MTR: variants seen among roughly 807,000 people sequenced by gnomAD.
MTR encodes the protein 5-methyltetrahydrofolate-homocysteine methyltransferase, also known as methionine synthase.
A neutral mutation model predicts 154.8 loss-of-function variants in MTR; 84 were observed. The observed-to-expected ratio is 0.54, with a 90% CI of 0.45 to 0.65. The LOEUF is 0.65. MTR is among the 30% of genes least tolerant of loss of function. MTR has a pLI of 0.00. For missense variants in MTR, 1,275 were observed against 1,570.2 expected (o/e 0.81, Z 3.18); for synonymous variants, 554 against 553.9 (o/e 1.00, Z 0.00).
intron 8 of MTR, among the ~76,000 whole-genome samples, chr1:236,821,688 G>C (rs984560349): frequency 6.6e-6 from 1 of 151,926 alleles, no homozygotes; most frequent in African/African-American, 2.4e-5. Context: ...AATTTTAATC[G>C]TTTTGCAATT....
chr1:236,797,943 G>A (rs1660488089), intron 1 of MTR, among the ~76,000 whole-genome samples: 2 of 129,090 alleles, frequency 1.5e-5, no homozygotes, highest in African/African-American at 2.7e-5. Context: ...GGGTGAGAGA[G>A]TGAGACTTAG....
At chr1:236,807,099 A>G (rs1285476746) in intron 3 of MTR, among the ~76,000 whole-genome samples, 2 of 152,234 alleles carry the variant, frequency 1.3e-5, no homozygotes, top group Admixed American at 6.5e-5. Flanking sequence ...GTATATATAC[A>G]CAGAAGTTGA....
intron 7 of MTR, 82 bp downstream of exon 7, chr1:236,815,745 T>A: frequency 7.5e-7 from 1 of 1,334,476 alleles, no homozygotes; most frequent in Non-Finnish European, 1.1e-6. Context: ...CTTTGCATAG[T>A]AGAACTATTA....
At chr1:236,864,945 A>G (rs1664745748) in intron 22 of MTR, among the ~76,000 whole-genome samples, 1 of 152,242 alleles carries the variant, frequency 6.6e-6, no homozygotes, top group Admixed American at 6.5e-5. Flanking sequence ...GAAGAAAGTG[A>G]CTTGTAGGTA....
rs943338469 is a variant in MTR, at chr1:236,862,231, C to G, written c.2197-5C>G. ...AAGATACCTGATCTATGCTTTTTTT[C>G]TCAGGTTATAAAGTCAGCCCGGGTT... On this transcript the variant is annotated splice_polypyrimidine_tract_variant and splice_region_variant and intron_variant, in intron 20 of 32. Transcript: ENST00000366577. The G allele has an allele frequency of 8.7e-6, 14 of 1,609,744 alleles. No homozygotes were observed. The highest frequency in any genetic ancestry group is 1.2e-5 in the Non-Finnish European group (14 of 1,176,236).
intron 22 of MTR, among the ~76,000 whole-genome samples, chr1:236,871,322 T>C (rs1418403414): frequency 2.6e-5 from 3 of 115,312 alleles, no homozygotes; most frequent in Admixed American, 9.1e-5. Context: ...TCTGAACTTA[T>C]CACCCACAAC....
chr1:236,820,940 A>T (rs553299265), intron 8 of MTR, among the ~76,000 whole-genome samples: 1 of 152,214 alleles, frequency 6.6e-6, no homozygotes, highest in South Asian at 2.1e-4. Context: ...TGCTATCTGT[A>T]TATCTTCTTT....
At chr1:236,894,684 A>G in intron 30 of MTR, 127 bp downstream of exon 30, 1 of 845,622 alleles carries the variant, frequency 1.2e-6, no homozygotes, top group Admixed American at 2.6e-5. Flanking sequence ...CTTGAGATGG[A>G]TGCTGCTGGC....
In MTR at chr1:236,844,453, C is replaced by CGTGTGT. The variant is rs58179715; in HGVS notation, c.1516-5846_1516-5841dup. 2.3e-4 allele frequency among the ~76,000 whole-genome samples: 34 copies of CGTGTGT among 145,460 alleles called. 1 individual carries two copies. Among genetic ancestry groups the CGTGTGT allele is most frequent in the South Asian group, 6.8e-4 (3 of 4,422 alleles). On this transcript the variant is annotated intron_variant, in intron 15 of 32. Transcript: ENST00000366577. ...GGGGAAATACGAGGTTCAGAAAGGG[C>CGTGTGT]GTGTGTGTGTGTGTGTGTGTGTGTG...
At chr1:236,809,074 A>G (rs1661154346) in intron 4 of MTR, among the ~76,000 whole-genome samples, 1 of 152,154 alleles carries the variant, frequency 6.6e-6, no homozygotes, top group Non-Finnish European at 1.5e-5. Context: ...GAAATAATTT[A>G]TGTCTCTTTG....
rs1006905421 is a variant in MTR, at chr1:236,902,438, G to T, written c.*4794G>T. 2 of 152,204 alleles carry T rather than the reference G, an allele frequency of 1.3e-5. No homozygotes were observed. Among genetic ancestry groups the T allele is most frequent in the African/African-American group, 4.8e-5 (2 of 41,428 alleles). The allele number at this position is 152,204 out of a possible 1,614,324, so 9.4% of individuals were successfully genotyped here. On this transcript the variant is annotated 3_prime_UTR_variant, in exon 33 of 33. Transcript: ENST00000366577. ...TAGACTTAACATTCCCTAAGGGCAG[G>T]TTTGGAACCTTACTCATCTTTATAT...
In MTR at chr1:236,852,810, T is replaced by C. The variant is rs1385191487; in HGVS notation, c.1813-138T>C. The C allele has an allele frequency of 2.6e-6, 3 of 1,143,638 alleles. No homozygotes were observed. The African/African-American group carries it at 4.6e-5, about 17-fold the overall frequency. 70.8% of individuals were successfully genotyped at this position (1,143,638 alleles called of 1,614,324 possible). A position where few individuals can be genotyped will look rare whatever the true frequency, so the allele number is the denominator to read the frequency against. On this transcript the variant is annotated intron_variant, in intron 17 of 32. Transcript: ENST00000366577. ...ATCTTGTCTGTGGCTGCTTTTATGC[T>C]GTAACTACAAAGTTGAGTAGCTGTG... is the stretch of plus-strand genomic sequence containing the variant.
At chr1:236,852,220 C>T (rs1663941982) in intron 16 of MTR, among the ~76,000 whole-genome samples, 1 of 151,686 alleles carries the variant, frequency 6.6e-6, no homozygotes, top group African/African-American at 2.4e-5. Context: ...GTAATTTGTA[C>T]TTTCAGTGAA....
At chr1:236,885,372 T>C (rs774830900) in intron 26 of MTR, among the ~76,000 whole-genome samples, 153 bp downstream of exon 26, 11 of 152,224 alleles carry the variant, frequency 7.2e-5, no homozygotes, top group Non-Finnish European at 1.5e-4. Context: ...ATCAGAGGTC[T>C]TCAGTGTCTT....
At chr1:236,886,906 C>T (rs1256649682) in intron 27 of MTR, among the ~76,000 whole-genome samples, 1 of 152,222 alleles carries the variant, frequency 6.6e-6, no homozygotes, top group Non-Finnish European at 1.5e-5. Flanking sequence ...TGCAGCAAAG[C>T]AGGATCCTCT....
At chr1:236,843,416 C>A (rs1263052269) in intron 15 of MTR, among the ~76,000 whole-genome samples, 1 of 152,162 alleles carries the variant, frequency 6.6e-6, no homozygotes, top group Non-Finnish European at 1.5e-5. Context: ...GGAAAGGTGG[C>A]AGATCAAATC....
intron 12 of MTR, among the ~76,000 whole-genome samples, chr1:236,831,177 C>CT (rs1274323404): frequency 6.6e-6 from 1 of 152,236 alleles, no homozygotes; most frequent in Non-Finnish European, 1.5e-5. Context: ...TCTAATGAGA[C>CT]TGCCTCTCCT....
chr1:236,845,586 G>T (rs761868277), intron 15 of MTR, among the ~76,000 whole-genome samples: 3 of 152,160 alleles, frequency 2.0e-5, no homozygotes, highest in Non-Finnish European at 4.4e-5. Context: ...TAAGGATACT[G>T]TATATGCCGA....
In MTR at chr1:236,847,801, G is replaced by A. The variant is rs190021757; in HGVS notation, c.1516-2543G>A. The stretch of plus-strand genomic sequence containing the variant: ...AAATCCCTCCAGGGTATTGTAATGT[G>A]CAACCAGAGTTGAAAGCCCTTCCTG... On this transcript the variant is annotated intron_variant, in intron 15 of 32. Transcript: ENST00000366577. Among the ~76,000 whole-genome samples, 85 of 152,308 alleles carry A rather than the reference G, an allele frequency of 5.6e-4. 1 individual carries two copies. Among genetic ancestry groups the A allele is most frequent in the Middle Eastern group, 3.4e-3 (1 of 294 alleles).
Sources: gnomAD v4.1 joint callset for allele counts (sites outside exome capture counted in the v4.1 genomes callset) on GRCh38, gnomAD v4.1.1 for gene constraint, MANE v1.5 for transcripts, NCBI Gene and HGNC (gene_info 2026-07-23, HGNC 2026-07-21) for gene names.